TMEM232: variants seen among roughly 807,000 people sequenced by gnomAD.
TMEM232 encodes transmembrane protein 232.
TMEM232 carries 80 observed loss-of-function variants against 78.8 expected under a neutral mutation model. That is an observed-to-expected ratio of 1.01 (90% CI 0.85 to 1.22). The LOEUF is 1.22. Ranked by LOEUF, TMEM232 falls within the 50% of genes most tolerant of loss-of-function variation. The pLI, the probability that TMEM232 is intolerant of heterozygous loss-of-function variation, is 0.00. For missense variants in TMEM232, 881 were observed against 742.2 expected (o/e 1.19, Z -2.17); for synonymous variants, 297 against 254.3 (o/e 1.17, Z -1.60).
chr5:110,681,352 G>A (rs1026654243), intron 1 of TMEM232, among the ~76,000 whole-genome samples: 1 of 152,084 alleles, frequency 6.6e-6, no homozygotes, highest in Non-Finnish European at 1.5e-5. Flanking sequence ...CAGGAAGGTG[G>A]GCAGGAATGC....
intron 12 of TMEM232, among the ~76,000 whole-genome samples, chr5:110,475,631 G>A (rs559003409): frequency 6.6e-6 from 1 of 151,940 alleles, no homozygotes; most frequent in South Asian, 2.1e-4. Context: ...AATTCCTGAA[G>A]TGAAGAGATA....
At chr5:110,670,590 A>G (rs1791228726) in intron 1 of TMEM232, among the ~76,000 whole-genome samples, 1 of 151,968 alleles carries the variant, frequency 6.6e-6, no homozygotes, top group African/African-American at 2.4e-5. Flanking sequence ...GCTTCTAATA[A>G]TCCACATGCA....
rs1257992164 is a variant in TMEM232 at position 110,458,942 on chromosome 5, T to A, written c.1704-34026A>T. 3.3e-5 allele frequency among the ~76,000 whole-genome samples: 5 copies of A among 152,268 alleles called. No homozygotes were observed. In the East Asian group the frequency reaches 9.6e-4, roughly 29 times the overall value. On this transcript the variant is annotated intron_variant, in intron 12 of 13. Coordinates refer to ENST00000455884, the MANE Select transcript of TMEM232 (RefSeq NM_001039763.4). The stretch of plus-strand genomic sequence containing the variant: ...TTATAGTGGTATTCTACTGAGTTAT[T>A]TTTTTCTTCTTACTTTCAGCTTTAT...
intron 12 of TMEM232, among the ~76,000 whole-genome samples, chr5:110,505,469 T>A (rs1221264065): frequency 6.6e-6 from 1 of 152,162 alleles, no homozygotes; most frequent in Non-Finnish European, 1.5e-5. Flanking sequence ...CGTTCTAAAG[T>A]ACCCAACATG....
At chr5:110,657,157 A>G (rs946986870) in intron 2 of TMEM232, among the ~76,000 whole-genome samples, 6 of 152,248 alleles carry the variant, frequency 3.9e-5, no homozygotes, top group African/African-American at 1.4e-4. Flanking sequence ...GTAGGAATGT[A>G]CGTTAGTACA....
At chr5:110,432,928 A>C (rs1758019602) in intron 12 of TMEM232, among the ~76,000 whole-genome samples, 1 of 151,832 alleles carries the variant, frequency 6.6e-6, no homozygotes, top group Non-Finnish European at 1.5e-5. Flanking sequence ...TTCAACAAGA[A>C]GACTTAACTA....
At chr5:110,488,805 C>G (rs1425688963) in intron 12 of TMEM232, among the ~76,000 whole-genome samples, 1 of 151,824 alleles carries the variant, frequency 6.6e-6, no homozygotes, top group Non-Finnish European at 1.5e-5. Flanking sequence ...AATGACAATC[C>G]TTTAGCTACA....
chr5:110,417,887 CT>C (rs1369740474), downstream of TMEM232: 1 of 152,106 alleles, frequency 6.6e-6, no homozygotes, highest in African/African-American at 2.4e-5. Flanking sequence ...TTTTCTCACT[CT>C]TTCTGATAGT....
chr5:110,410,726 C>A (rs1473066088), intron 2 of TMEM232, among the ~76,000 whole-genome samples: 1 of 152,044 alleles, frequency 6.6e-6, no homozygotes, highest in Non-Finnish European at 1.5e-5. Context: ...CTCATTTAAT[C>A]CTTAAACAAA....
At chr5:110,604,059 T>A (rs1781259802) in intron 10 of TMEM232, among the ~76,000 whole-genome samples, 1 of 152,204 alleles carries the variant, frequency 6.6e-6, no homozygotes, top group Non-Finnish European at 1.5e-5. Context: ...TCCACTATCA[T>A]AATTGCTTAC....
intron 11 of TMEM232, among the ~76,000 whole-genome samples, chr5:110,541,626 T>C (rs554249500): frequency 1.6e-4 from 24 of 152,272 alleles, no homozygotes; most frequent in South Asian, 2.1e-4. Context: ...TAGAAAGGAC[T>C]ATCCAAACTC....
intron 2 of TMEM232, among the ~76,000 whole-genome samples, chr5:110,399,652 CT>C (rs1253423979): frequency 1.3e-5 from 2 of 152,148 alleles, no homozygotes; most frequent in Non-Finnish European, 2.9e-5. Flanking sequence ...AGCCAGTGCT[CT>C]TTTTTTCAGG....
intron 12 of TMEM232, among the ~76,000 whole-genome samples, chr5:110,475,815 A>C (rs1216560755): frequency 1.3e-5 from 2 of 151,924 alleles, no homozygotes; most frequent in African/African-American, 4.8e-5. Context: ...CTGGGGAAAG[A>C]ACCACTAAAA....
intron 1 of TMEM232, among the ~76,000 whole-genome samples, chr5:110,704,993 G>T (rs1291093247): frequency 3.3e-5 from 5 of 152,072 alleles, no homozygotes; most frequent in Admixed American, 6.6e-5. Context: ...ATACAATGGG[G>T]ATTACTTGGT....
intron 4 of TMEM232, among the ~76,000 whole-genome samples, chr5:110,640,178 T>C (rs1001137127): frequency 6.6e-6 from 1 of 152,216 alleles, no homozygotes; most frequent in African/African-American, 2.4e-5. Context: ...GGTCAGGCTG[T>C]GGATGGCACT....
intron 12 of TMEM232, among the ~76,000 whole-genome samples, chr5:110,481,239 TA>T (rs759860501): frequency 2.0e-5 from 3 of 152,138 alleles, no homozygotes; most frequent in Non-Finnish European, 4.4e-5. Flanking sequence ...TGTTCAATGT[TA>T]AATTGCACTG....
intron 2 of TMEM232, among the ~76,000 whole-genome samples, chr5:110,398,443 C>G (rs190305523): frequency 8.5e-5 from 13 of 152,250 alleles, no homozygotes; most frequent in Non-Finnish European, 1.3e-4. Context: ...CCCAAAAGTG[C>G]TCCAGGTTTG....
At chr5:110,477,635 C>G (rs1464097378) in intron 12 of TMEM232, among the ~76,000 whole-genome samples, 3 of 151,820 alleles carry the variant, frequency 2.0e-5, no homozygotes, top group Non-Finnish European at 4.4e-5. Flanking sequence ...TCAAAAACCT[C>G]TATTCCCCAC....
chr5:110,702,854 T>C (rs146297854), intron 1 of TMEM232, among the ~76,000 whole-genome samples: 293 of 152,140 alleles, frequency 1.9e-3, no homozygotes, highest in African/African-American at 6.9e-3. Context: ...AGCTTGTCAT[T>C]TGGCCAAAAA....
Sources: gnomAD v4.1 joint callset for allele counts (sites outside exome capture counted in the v4.1 genomes callset) on GRCh38, gnomAD v4.1.1 for gene constraint, MANE v1.5 for transcripts, NCBI Gene and HGNC (gene_info 2026-07-23, HGNC 2026-07-21) for gene names.